Variants in ERBB4 observed in about 807,000 individuals in gnomAD.
The protein encoded by ERBB4 is erb-b2 receptor tyrosine kinase 4, also known as receptor tyrosine-protein kinase erbB-4.
In ERBB4, 42 loss-of-function variants were observed where a neutral mutation model predicts 158.0. That is an observed-to-expected ratio of 0.27 (90% CI 0.21 to 0.34). ERBB4 has a LOEUF of 0.34. Ranked by LOEUF, ERBB4 falls within the 10% of genes least tolerant of loss-of-function variation. The pLI is 1.00. For missense variants in ERBB4, 1,333 were observed against 1,624.1 expected, an observed-to-expected ratio of 0.82 and a Z score of 3.08; for synonymous variants, 583 against 558.7, an observed-to-expected ratio of 1.04 and a Z score of -0.61.
intron 20 of ERBB4, among the ~76,000 whole-genome samples, chr2:211,533,283 TAC>T (rs1461431972): frequency 9.2e-5 from 14 of 152,014 alleles, no homozygotes; most frequent in African/African-American, 3.4e-4. Context: ...ATGAATTATA[TAC>T]AGTCTTGTGA....
intron 2 of ERBB4, among the ~76,000 whole-genome samples, chr2:211,989,503 A>G (rs1301572315): frequency 1.3e-5 from 2 of 151,836 alleles, no homozygotes; most frequent in Non-Finnish European, 1.5e-5. Context: ...TTATTCATAT[A>G]ATATTTCTTC....
Position 212,160,124 on chromosome 2 carries a change from C to T in ERBB4, c.83-35221G>A, listed in dbSNP as rs754425803. On this transcript the variant is annotated intron_variant, in intron 1 of 27. Transcript: ENST00000342788. ...CCCCTATTCTTGATTTTAGCATAAC[C>T]CTTTCCTCAGAAGGGTGAATATTTC... Among the ~76,000 whole-genome samples, 3 of 151,916 alleles carry T rather than the reference C, an allele frequency of 2.0e-5. 1 individual carries two copies. In the South Asian group the frequency reaches 6.2e-4, roughly 32 times the overall value.
chr2:212,123,494 T>G (rs533111521), intron 2 of ERBB4, among the ~76,000 whole-genome samples: 1 of 152,314 alleles, frequency 6.6e-6, no homozygotes, highest in Admixed American at 6.5e-5. Context: ...CTTTACTATT[T>G]TTTATAAACA....
chr2:212,433,638 C>T (rs1246378149), intron 1 of ERBB4, among the ~76,000 whole-genome samples: 1 of 151,906 alleles, frequency 6.6e-6, no homozygotes, highest in African/African-American at 2.4e-5. Context: ...AAAATAGGTC[C>T]TTCGCAAAAG....
chr2:211,530,804 G>A (rs1233171189), intron 20 of ERBB4, among the ~76,000 whole-genome samples: 9 of 152,084 alleles, frequency 5.9e-5, no homozygotes, highest in Non-Finnish European at 1.0e-4. Flanking sequence ...GTGGGAGAAC[G>A]CTTGTGCCTA....
chr2:212,441,004 T>A (rs1305747000), intron 1 of ERBB4, among the ~76,000 whole-genome samples: 1 of 152,046 alleles, frequency 6.6e-6, no homozygotes, highest in Non-Finnish European at 1.5e-5. Context: ...GAACTGAAAT[T>A]GTGGAAAAAT....
At chr2:211,522,488 T>C (rs1020153563) in intron 20 of ERBB4, among the ~76,000 whole-genome samples, 1 of 152,192 alleles carries the variant, frequency 6.6e-6, no homozygotes, top group Admixed American at 6.5e-5. Flanking sequence ...GTGAAGGCGT[T>C]GTGAACATTA....
At chr2:211,425,333 A>G (rs1308657189) in intron 22 of ERBB4, among the ~76,000 whole-genome samples, 1 of 151,520 alleles carries the variant, frequency 6.6e-6, no homozygotes, top group Non-Finnish European at 1.5e-5. Context: ...TCATTGACTG[A>G]TAACAAAAAT....
chr2:211,593,616 T>G (rs1171824579), intron 19 of ERBB4, among the ~76,000 whole-genome samples: 1 of 152,202 alleles, frequency 6.6e-6, no homozygotes, highest in African/African-American at 2.4e-5. Flanking sequence ...TCCCATCAAA[T>G]GCAGTTAGCC....
intron 1 of ERBB4, among the ~76,000 whole-genome samples, chr2:212,388,767 AAGAATTAAC>A (rs1425156533): frequency 1.3e-5 from 2 of 152,156 alleles, no homozygotes; most frequent in Non-Finnish European, 2.9e-5. Context: ...CACAATGCCT[AAGAATTAAC>A]AGACCGTTCT....
At chr2:211,992,835 A>G (rs1403711213) in intron 2 of ERBB4, among the ~76,000 whole-genome samples, 1 of 152,176 alleles carries the variant, frequency 6.6e-6, no homozygotes, top group Non-Finnish European at 1.5e-5. Flanking sequence ...TCCAAAGACA[A>G]AGTCTTATCT....
chr2:212,462,099 A>G (rs1263367751), intron 1 of ERBB4, among the ~76,000 whole-genome samples: 1 of 152,166 alleles, frequency 6.6e-6, no homozygotes, highest in Non-Finnish European at 1.5e-5. Flanking sequence ...ATATACAAAA[A>G]CCAACTTTAT....
At chr2:212,150,244 T>C (rs2080825393) in intron 1 of ERBB4, among the ~76,000 whole-genome samples, 2 of 152,144 alleles carry the variant, frequency 1.3e-5, no homozygotes, top group South Asian at 4.1e-4. Flanking sequence ...TCCCAGTTTC[T>C]AGTAGCCCCA....
intron 1 of ERBB4, among the ~76,000 whole-genome samples, chr2:212,501,189 A>G (rs1690871016): frequency 6.6e-6 from 1 of 152,146 alleles, no homozygotes; most frequent in Non-Finnish European, 1.5e-5. Flanking sequence ...AAGTACACCA[A>G]AGCAGCATGA....
chr2:212,141,315 G>A (rs930677949), intron 1 of ERBB4, among the ~76,000 whole-genome samples: 4 of 152,064 alleles, frequency 2.6e-5, no homozygotes, highest in African/African-American at 9.6e-5. Flanking sequence ...ATCTCAATGA[G>A]TACCAACCAT....
intron 1 of ERBB4, among the ~76,000 whole-genome samples, chr2:212,356,525 C>G (rs2089469254): frequency 6.6e-6 from 1 of 151,952 alleles, no homozygotes; most frequent in Non-Finnish European, 1.5e-5. Context: ...ATCAAAAATA[C>G]ATTTCACAAA....
chr2:212,250,824 G>C (rs2084504265), intron 1 of ERBB4, among the ~76,000 whole-genome samples: 2 of 151,604 alleles, frequency 1.3e-5, no homozygotes, highest in Admixed American at 6.6e-5. Context: ...GTTCACAAGG[G>C]TAAAAAGTAA....
intron 1 of ERBB4, among the ~76,000 whole-genome samples, chr2:212,261,358 T>A (rs2084937924): frequency 6.6e-6 from 1 of 152,116 alleles, no homozygotes; most frequent in Admixed American, 6.6e-5. Context: ...TGAGGATCAA[T>A]CTTAGGTAGG....
intron 1 of ERBB4, among the ~76,000 whole-genome samples, chr2:212,476,334 C>G (rs930401505): frequency 6.6e-6 from 1 of 152,012 alleles, no homozygotes; most frequent in Non-Finnish European, 1.5e-5. Context: ...CACTAGTATA[C>G]CTAGCAGATA....
Sources: allele counts gnomAD v4.1 joint callset (sites outside exome capture counted in the v4.1 genomes callset), GRCh38; gene constraint gnomAD v4.1.1; transcripts MANE v1.5; gene names NCBI Gene and HGNC (gene_info 2026-07-23, HGNC 2026-07-21).